The following ERC2 variants were observed in gnomAD, a reference collection of about 807,000 sequenced individuals.
The protein encoded by ERC2 is ELKS/RAB6-interacting/CAST family member 2, also known as ERC protein 2.
Under a neutral mutation model 114.8 loss-of-function variants are expected in ERC2, and 42 were observed. The ratio of observed to expected loss-of-function variants is 0.37; its 90% confidence interval spans 0.29 to 0.47. The LOEUF (loss-of-function observed/expected upper bound fraction) is 0.47. Ranked by LOEUF, ERC2 falls within the 20% of genes least tolerant of loss-of-function variation. The pLI is 0.99. For synonymous variants in ERC2, 454 were observed against 425.5 expected, an observed-to-expected ratio of 1.07 and a Z score of -0.82; for missense variants, 939 against 1,150.7, an observed-to-expected ratio of 0.82 and a Z score of 2.66.
chr3:55,754,168 TAAGAA>T (rs2066901839), intron 14 of ERC2, among the ~76,000 whole-genome samples: 1 of 88,050 alleles, frequency 1.1e-5, no homozygotes, highest in Non-Finnish European at 2.1e-5. Flanking sequence ...TCTCTACAGA[TAAGAA>T]AACTATTTTT....
intron 14 of ERC2, among the ~76,000 whole-genome samples, chr3:55,860,799 T>G (rs980761971): frequency 6.6e-6 from 1 of 152,080 alleles, no homozygotes; most frequent in East Asian, 1.9e-4. Flanking sequence ...CCTTTTTTAG[T>G]CCACACACTA....
intron 2 of ERC2, among the ~76,000 whole-genome samples, chr3:56,314,200 G>T (rs1245214554): frequency 2.0e-5 from 3 of 152,100 alleles, no homozygotes; most frequent in Non-Finnish European, 2.9e-5. Context: ...CCTCCAATGT[G>T]GTCATACACT....
intron 17 of ERC2, among the ~76,000 whole-genome samples, chr3:55,553,048 G>C (rs1307304219): frequency 1.6e-5 from 1 of 62,554 alleles, no homozygotes; most frequent in Non-Finnish European, 3.2e-5. Flanking sequence ...TTGAGATGGA[G>C]TCTCATTCTG....
intron 14 of ERC2, among the ~76,000 whole-genome samples, chr3:55,798,593 G>A (rs1314864557): frequency 4.9e-5 from 7 of 142,640 alleles, no homozygotes; most frequent in East Asian, 2.0e-4. Flanking sequence ...GCAAGACTTC[G>A]TTTCAAAAAA....
intron 6 of ERC2, among the ~76,000 whole-genome samples, chr3:56,134,741 A>G (rs1001118505): frequency 6.6e-6 from 1 of 152,108 alleles, no homozygotes; most frequent in Non-Finnish European, 1.5e-5. Context: ...ACTCTTAGAC[A>G]AGTATTATAG....
At chr3:56,123,883 G>T (rs2079727755) in intron 6 of ERC2, among the ~76,000 whole-genome samples, 1 of 152,068 alleles carries the variant, frequency 6.6e-6, no homozygotes, top group Admixed American at 6.6e-5. Flanking sequence ...TGTTATTTTT[G>T]GTTCTGGGTC....
In ERC2 at chr3:55,654,783, G is replaced by C. The variant is rs62251547; in HGVS notation, c.*39+29011C>G. 8.5e-3 allele frequency among the ~76,000 whole-genome samples: 1,299 copies of C among 152,318 alleles called. 7 individuals carry two copies. Among genetic ancestry groups the C allele is most frequent in the Non-Finnish European group, 0.014 (934 of 68,028 alleles). Reference sequence around the variant, plus strand: ...AGATGGAGCCAGTATGAGGACCTTTGCCATCCATCCCTAATTGCCAGGTTA... The same window carrying C: ...AGATGGAGCCAGTATGAGGACCTTTCCCATCCATCCCTAATTGCCAGGTTA... On this transcript the variant is annotated intron_variant, in intron 17 of 17. Coordinates refer to ENST00000288221, the MANE Select transcript of ERC2 (RefSeq NM_015576.3).
intron 3 of ERC2, among the ~76,000 whole-genome samples, chr3:56,218,966 A>T (rs1376906014): frequency 6.6e-6 from 1 of 152,112 alleles, no homozygotes; most frequent in African/African-American, 2.4e-5. Flanking sequence ...AGGAAGGGGA[A>T]CATCACACAC....
chr3:56,339,629 T>C (rs571557603), intron 2 of ERC2, among the ~76,000 whole-genome samples: 5 of 152,060 alleles, frequency 3.3e-5, no homozygotes, highest in Non-Finnish European at 7.4e-5. Context: ...GTTTCCTAAG[T>C]CCAATGTCTG....
At chr3:56,411,051 G>GAAAA (rs61081379) in intron 2 of ERC2, among the ~76,000 whole-genome samples, 1,698 of 82,106 alleles carry the variant, frequency 0.021, 18 homozygotes, top group South Asian at 0.076. Flanking sequence ...AATTATCTCA[G>GAAAA]AAAAAAAAAA....
intron 17 of ERC2, among the ~76,000 whole-genome samples, chr3:55,551,028 A>AAAAG (rs955265252): frequency 6.6e-6 from 1 of 151,646 alleles, no homozygotes; most frequent in Non-Finnish European, 1.5e-5. Flanking sequence ...AAAAAAAAAA[A>AAAAG]AAAGAAAGAA....
chr3:56,397,548 T>C (rs2060358759), intron 2 of ERC2, among the ~76,000 whole-genome samples: 1 of 152,170 alleles, frequency 6.6e-6, no homozygotes, highest in Non-Finnish European at 1.5e-5. Context: ...TGTTTCATAT[T>C]GGTACATACA....
chr3:56,363,837 G>A (rs1358297538), intron 2 of ERC2, among the ~76,000 whole-genome samples: 5 of 142,516 alleles, frequency 3.5e-5, no homozygotes, highest in Non-Finnish European at 7.6e-5. Context: ...GAGGGAGGGA[G>A]AGAGGGAGGG....
intron 17 of ERC2, among the ~76,000 whole-genome samples, chr3:55,654,951 C>T (rs2060792951): frequency 6.6e-6 from 1 of 152,234 alleles, no homozygotes; most frequent in African/African-American, 2.4e-5. Context: ...CAACCTCTAA[C>T]TGCCCATTCT....
At chr3:56,083,336 A>G (rs2077338243) in intron 6 of ERC2, among the ~76,000 whole-genome samples, 3 of 152,150 alleles carry the variant, frequency 2.0e-5, no homozygotes, top group African/African-American at 7.2e-5. Context: ...GTGAAATTCT[A>G]AAAGAGGTGA....
At chr3:55,940,109 C>G (rs2066690494) in intron 13 of ERC2, among the ~76,000 whole-genome samples, 1 of 152,138 alleles carries the variant, frequency 6.6e-6, no homozygotes, top group Non-Finnish European at 1.5e-5. Context: ...GGGAGGACAT[C>G]CCTGCTCCTG....
intron 6 of ERC2, among the ~76,000 whole-genome samples, chr3:56,091,305 A>G (rs1471297595): frequency 6.6e-6 from 1 of 152,134 alleles, no homozygotes; most frequent in African/African-American, 2.4e-5. Flanking sequence ...GATGAAAGGA[A>G]GGAAGATATC....
At chr3:55,959,056 A>C (rs922591500) in intron 12 of ERC2, among the ~76,000 whole-genome samples, 1 of 152,090 alleles carries the variant, frequency 6.6e-6, no homozygotes, top group South Asian at 2.1e-4. Flanking sequence ...CAGCCACTCC[A>C]GACGGTCCAC....
At chr3:55,614,995 C>A (rs1303043875) in intron 17 of ERC2, among the ~76,000 whole-genome samples, 1 of 152,214 alleles carries the variant, frequency 6.6e-6, no homozygotes, top group Non-Finnish European at 1.5e-5. Flanking sequence ...TGATAGGAAC[C>A]ATAAAACTAT....
Sources: allele counts gnomAD v4.1 joint callset (sites outside exome capture counted in the v4.1 genomes callset), GRCh38; gene constraint gnomAD v4.1.1; transcripts MANE v1.5; gene names NCBI Gene and HGNC (gene_info 2026-07-23, HGNC 2026-07-21).